MGAT4A: variants seen among roughly 807,000 people sequenced by gnomAD.
The protein encoded by MGAT4A is N-acetylglucosaminyltransferase IVa.
MGAT4A carries 33 observed loss-of-function variants against 74.1 expected under a neutral mutation model. The ratio of observed to expected loss-of-function variants is 0.45; its 90% CI spans 0.34 to 0.60. The LOEUF is 0.60. Among genes scored for constraint, MGAT4A ranks in the 20% least tolerant of loss-of-function variants. The pLI, the probability that MGAT4A is intolerant of heterozygous loss-of-function variation, is 0.02. For missense variants in MGAT4A, 479 were observed against 628.3 expected (o/e 0.76, Z 2.54); for synonymous variants, 198 against 210.4 (o/e 0.94, Z 0.51).
chr2:98,720,339 C>A (rs544733405), intron 2 of MGAT4A, among the ~76,000 whole-genome samples: 1 of 152,324 alleles, frequency 6.6e-6, no homozygotes, highest in African/African-American at 2.4e-5. Flanking sequence ...TACTAAGAGC[C>A]TGAGTAGATC....
At position 98,624,258 on chromosome 2, in the gene MGAT4A, C is replaced by A; in HGVS notation, c.*1308G>T. ...TGATCTCCTGACCTCGTGATCCGCC[C>A]GCCTCGGCCTCCCAAAGTGCTGGGA... On this transcript the variant is annotated 3_prime_UTR_variant, in exon 16 of 16. Transcript: ENST00000393487. 1 of 734,238 alleles carries A rather than the reference C, an allele frequency of 1.4e-6. No individual in the cohort carries two copies. Among genetic ancestry groups the A allele is most frequent in the Non-Finnish European group, 1.7e-6 (1 of 601,036 alleles). The allele number at this position is 734,238 out of a possible 1,614,324, so 45.5% of individuals were successfully genotyped here. A position where few individuals can be genotyped will look rare whatever the true frequency, so the allele number is the denominator to read the frequency against.
chr2:98,668,602 G>T (rs528004009), intron 4 of MGAT4A, among the ~76,000 whole-genome samples: 2 of 152,214 alleles, frequency 1.3e-5, no homozygotes, highest in Non-Finnish European at 2.9e-5. Context: ...TCCCTATTGG[G>T]GCACCACCTA....
chr2:98,698,465 CACATTTGCTT>C (rs1401875800), intron 2 of MGAT4A, among the ~76,000 whole-genome samples: 1 of 152,168 alleles, frequency 6.6e-6, no homozygotes, highest in Non-Finnish European at 1.5e-5. Context: ...GAAATCTCCT[CACATTTGCTT>C]ACATTAATGC....
chr2:98,700,812 AC>A (rs1702345254), intron 2 of MGAT4A, among the ~76,000 whole-genome samples: 2 of 148,272 alleles, frequency 1.3e-5, no homozygotes, highest in African/African-American at 2.5e-5. Flanking sequence ...AATCGCTTGA[AC>A]CCGGGAGGCG....
intron 9 of MGAT4A, among the ~76,000 whole-genome samples, chr2:98,644,980 A>G (rs891428678): frequency 6.6e-6 from 1 of 152,246 alleles, no homozygotes; most frequent in Admixed American, 6.5e-5. Flanking sequence ...ACATCAGCCA[A>G]AAACCATTTA....
chr2:98,679,796 A>T (rs946052689), intron 2 of MGAT4A, among the ~76,000 whole-genome samples: 58 of 152,190 alleles, frequency 3.8e-4, no homozygotes, highest in Non-Finnish European at 1.0e-4. Flanking sequence ...AATGAGTAGA[A>T]ATGAATCAGC....
rs139143359 is a variant in MGAT4A at position 98,723,117 on chromosome 2, C to T, written c.94+3122G>A. 2.6e-3 allele frequency among the ~76,000 whole-genome samples: 394 copies of T among 152,284 alleles called. 2 individuals carry two copies. Among genetic ancestry groups the T allele is most frequent in the Middle Eastern group, 6.8e-3 (2 of 294 alleles). Reference sequence around the variant, plus strand: ...CCCTGGCAGGATTCCTGAGATACTCCCCAACTTATGCCAATCCCATGGACC... The same window carrying T: ...CCCTGGCAGGATTCCTGAGATACTCTCCAACTTATGCCAATCCCATGGACC... On this transcript the variant is annotated intron_variant, in intron 2 of 15. Coordinates refer to ENST00000393487, the MANE Select transcript of MGAT4A (RefSeq NM_012214.3).
chr2:98,637,697 T>A (rs1701342970), intron 12 of MGAT4A, among the ~76,000 whole-genome samples: 1 of 152,164 alleles, frequency 6.6e-6, no homozygotes, highest in Non-Finnish European at 1.5e-5. Context: ...AAGACCTGGG[T>A]CCAAATCCTG....
At chr2:98,658,643 T>C (rs567954498) in intron 5 of MGAT4A, among the ~76,000 whole-genome samples, 1 of 152,316 alleles carries the variant, frequency 6.6e-6, no homozygotes, top group South Asian at 2.1e-4. Context: ...TTTGCCTCTG[T>C]AGCTACTGAA....
Position 98,624,916 on chromosome 2 carries a change from A to G in MGAT4A, c.*650T>C. 1 of 984,392 alleles carries G rather than the reference A, an allele frequency of 1.0e-6. No individual in the cohort carries two copies. The highest frequency in any genetic ancestry group is 1.2e-6 in the Non-Finnish European group (1 of 828,608). 61.0% of individuals were successfully genotyped at this position (984,392 alleles called of 1,614,324 possible). ...ATTTTGTTCAGTCACTGTGATTATAAAAGTACTTCAATTAAGAAATCCATC... is the reference window on the plus strand; with the variant it reads ...ATTTTGTTCAGTCACTGTGATTATAGAAGTACTTCAATTAAGAAATCCATC... On this transcript the variant is annotated 3_prime_UTR_variant, in exon 16 of 16. Coordinates refer to ENST00000393487, the MANE Select transcript of MGAT4A (RefSeq NM_012214.3).
intron 8 of MGAT4A, 67 bp downstream of exon 8, chr2:98,655,378 T>C (rs1185683790): frequency 8.7e-6 from 11 of 1,259,252 alleles, no homozygotes; most frequent in Non-Finnish European, 1.2e-5. Flanking sequence ...CCTGTTTTAA[T>C]GAAAACATAC....
At chr2:98,680,799 C>T (rs749240134) in intron 2 of MGAT4A, among the ~76,000 whole-genome samples, 18 of 152,068 alleles carry the variant, frequency 1.2e-4, no homozygotes, top group Non-Finnish European at 2.2e-4. Context: ...ATAAACAATT[C>T]TATTAAACAA....
At chr2:98,692,523 A>G (rs1018942180) in intron 2 of MGAT4A, among the ~76,000 whole-genome samples, 5 of 152,174 alleles carry the variant, frequency 3.3e-5, no homozygotes, top group Non-Finnish European at 7.3e-5. Flanking sequence ...AGACCTTCAC[A>G]TTCACTCCCC....
In MGAT4A at chr2:98,658,229, G is replaced by T. The variant is rs967919954; in HGVS notation, c.573C>A (p.Asn191Lys). 2 of 1,575,464 alleles carry T rather than the reference G, an allele frequency of 1.3e-6. No individual in the cohort carries two copies. Among genetic ancestry groups the T allele is most frequent in the African/African-American group, 1.4e-5 (1 of 73,122 alleles). Residue 191 changes from asparagine to lysine, a missense_variant, in exon 6 of 16, where the codon AAC (asparagine) becomes AAA (lysine). Asn to Lys is a moderately conservative substitution (Grantham distance 94). This residue lies in a region of MGAT4A where 205 missense variants were observed against 232.7 expected (regional missense o/e 0.88). Coordinates refer to ENST00000393487, the MANE Select transcript of MGAT4A (RefSeq NM_012214.3). ...DIDYVHGVVA[N>K]LEKEFSKEIS... Reference sequence around the variant, plus strand: ...TAAGAAGAACTTACTCTTTCTCCAGGTTGGCTACAACACCATGTACATAAT... The same window carrying T: ...TAAGAAGAACTTACTCTTTCTCCAGTTTGGCTACAACACCATGTACATAAT...
chr2:98,647,068 C>G (rs1194507438), intron 8 of MGAT4A, among the ~76,000 whole-genome samples: 2 of 152,156 alleles, frequency 1.3e-5, no homozygotes, highest in Admixed American at 6.5e-5. Context: ...TATAGAAGAA[C>G]TCAACATAGC....
chr2:98,630,244 T>A (rs950363460), intron 14 of MGAT4A, among the ~76,000 whole-genome samples: 25 of 152,038 alleles, frequency 1.6e-4, no homozygotes, highest in African/African-American at 5.3e-4. Context: ...ACAGAATCCA[T>A]CCATAGAGGA....
At chr2:98,683,995 T>C (rs1333877228) in intron 2 of MGAT4A, among the ~76,000 whole-genome samples, 1 of 152,210 alleles carries the variant, frequency 6.6e-6, no homozygotes, top group East Asian at 1.9e-4. Flanking sequence ...TCTAACTCCA[T>C]TCTGCCACAT....
rs200108760 is a variant in MGAT4A, at chr2:98,632,110, C to CAATAAATAAATA, written c.1468+3100_1468+3111dup. On this transcript the variant is annotated intron_variant, in intron 14 of 15. Transcript: ENST00000393487. ...GGGCGGCAAAGCGAGACTCTGTCTC[C>CAATAAATAAATA]AATAAATAAATAAATAAATAAATAA... 3.2e-3 allele frequency among the ~76,000 whole-genome samples: 483 copies of CAATAAATAAATA among 149,854 alleles called. 7 individuals carry two copies. The highest frequency in any genetic ancestry group is 0.011 in the African/African-American group (465 of 40,496).
rs1470654775 is a variant in MGAT4A, at chr2:98,623,418, A to AGTACT, written c.*2143_*2147dup. 8.1e-6 allele frequency: 8 copies of AGTACT among 985,328 alleles called. No homozygotes were observed. The African/African-American group carries it at 1.4e-4, about 17-fold the overall frequency. 61.0% of individuals were successfully genotyped at this position (985,328 alleles called of 1,614,324 possible). ...GCAACTGAGGAACCAGGGACCCAAG[A>AGTACT]GTACTCCTAAGCCCACCTGCAGAGA... On this transcript the variant is annotated 3_prime_UTR_variant, in exon 16 of 16. Coordinates refer to ENST00000393487, the MANE Select transcript of MGAT4A (RefSeq NM_012214.3).
Sources: gnomAD v4.1 joint callset for allele counts (sites outside exome capture counted in the v4.1 genomes callset) on GRCh38, gnomAD v4.1.1 for gene constraint, gnomAD v4.1.1 regional missense constraint, MANE v1.5 for transcripts, NCBI Gene and HGNC (gene_info 2026-07-23, HGNC 2026-07-21) for gene names.